SNX29: variants seen among roughly 807,000 people sequenced by gnomAD.
The protein encoded by SNX29 is sorting nexin 29.
A neutral mutation model predicts 102.1 loss-of-function variants in SNX29; 78 were observed. That is an observed-to-expected ratio of 0.76 (90% CI 0.64 to 0.92). SNX29 has a LOEUF of 0.92. Among genes scored for constraint, SNX29 ranks in the 40% least tolerant of loss-of-function variants. The pLI is 0.00. For synonymous variants in SNX29, 580 were observed against 414.5 expected, an observed-to-expected ratio of 1.40 and a Z score of -4.85; for missense variants, 1,280 against 1,061.7, an observed-to-expected ratio of 1.21 and a Z score of -2.86.
chr16:12,329,295 A>AAAAAAG, intron 15 of SNX29, among the ~76,000 whole-genome samples: 1 of 148,446 alleles, frequency 6.7e-6, no homozygotes, highest in Non-Finnish European at 1.5e-5. Context: ...AAAAAAAAAA[A>AAAAAAG]GTGAAAAAAT....
rs2079213176 is a variant in SNX29 at position 12,572,686 on chromosome 16, C to T, written c.*4057C>T. 8 of 1,063,818 alleles carry T rather than the reference C, an allele frequency of 7.5e-6. No homozygotes were observed. The highest frequency in any genetic ancestry group is 9.1e-6 in the Non-Finnish European group (8 of 878,348). 65.9% of individuals were successfully genotyped at this position (1,063,818 alleles called of 1,614,324 possible). ...CTGCAGCACCCACACGGGGGAAGCC[C>T]TGCACTCCAGCAGCATCTTCCAGCC... On this transcript the variant is annotated 3_prime_UTR_variant, in exon 21 of 21. Coordinates refer to ENST00000566228, the MANE Select transcript of SNX29 (RefSeq NM_032167.5).
At chr16:12,335,373 G>A (rs946795482) in intron 15 of SNX29, among the ~76,000 whole-genome samples, 3 of 152,078 alleles carry the variant, frequency 2.0e-5, no homozygotes, top group Non-Finnish European at 2.9e-5. Flanking sequence ...ATGTTTAGTG[G>A]TGACTATAAG....
intron 18 of SNX29, among the ~76,000 whole-genome samples, chr16:12,427,599 T>C (rs987472509): frequency 7.0e-6 from 1 of 141,974 alleles, no homozygotes; most frequent in African/African-American, 2.8e-5. Flanking sequence ...TGGTATTTAA[T>C]CAAACAACAG....
At position 12,467,612 on chromosome 16, in the gene SNX29, G is replaced by A. The variant is rs548919818; in HGVS notation, c.2038-10107G>A. On this transcript the variant is annotated intron_variant, in intron 18 of 20. Transcript: ENST00000566228. ...TGTTCGTTCATTCGTTTGTTCGTTT[G>A]TTCGTTCGTTAGTTCGTTCGTTCGT... Among the ~76,000 whole-genome samples the A allele has an allele frequency of 5.1e-5, 7 of 136,838 alleles. No homozygotes were observed. In the South Asian group the frequency reaches 8.8e-4, roughly 17 times the overall value. The allele number at this position is 136,838 out of a possible 152,430, so 89.8% of individuals were successfully genotyped here. A position where few individuals can be genotyped will look rare whatever the true frequency, so the allele number is the denominator to read the frequency against.
intron 20 of SNX29, among the ~76,000 whole-genome samples, chr16:12,561,957 CATG>C (rs1567206034): frequency 5.3e-5 from 8 of 152,172 alleles, no homozygotes; most frequent in African/African-American, 1.9e-4. Flanking sequence ...TCCCTGGGGG[CATG>C]ATGTCCCCAG....
chr16:12,170,124 T>C (rs1250971022), intron 13 of SNX29, among the ~76,000 whole-genome samples: 2 of 152,108 alleles, frequency 1.3e-5, no homozygotes, highest in Non-Finnish European at 2.9e-5. Context: ...TTCCCCGTTA[T>C]GAGAACTAAA....
intron 3 of SNX29, among the ~76,000 whole-genome samples, chr16:12,010,518 C>G (rs2151053501): frequency 6.6e-6 from 1 of 152,176 alleles, no homozygotes; most frequent in East Asian, 1.9e-4. Flanking sequence ...CTCAGCTACT[C>G]AAGAGGCTGA....
chr16:12,405,614 A>G (rs983351486), intron 18 of SNX29, among the ~76,000 whole-genome samples: 6 of 152,168 alleles, frequency 3.9e-5, no homozygotes, highest in Non-Finnish European at 5.9e-5. Flanking sequence ...GCAAAATCAG[A>G]GCATGTGTTT....
At chr16:12,292,306 A>G (rs948132003) in intron 15 of SNX29, among the ~76,000 whole-genome samples, 3 of 152,146 alleles carry the variant, frequency 2.0e-5, no homozygotes, top group Admixed American at 2.0e-4. Flanking sequence ...TGTCATTCCT[A>G]CTAGAGAGAG....
intron 11 of SNX29, among the ~76,000 whole-genome samples, chr16:12,079,659 A>G (rs1467281196): frequency 5.3e-5 from 8 of 152,216 alleles, no homozygotes; most frequent in South Asian, 2.1e-4. Flanking sequence ...AAAGCCATTC[A>G]GACCTACTCT....
chr16:12,240,614 T>G (rs2968356), intron 14 of SNX29, among the ~76,000 whole-genome samples: 4 of 134,188 alleles, frequency 3.0e-5, no homozygotes, highest in Non-Finnish European at 3.1e-5. Flanking sequence ...TTTTTTTTTG[T>G]GAGACGGAGT....
intron 16 of SNX29, among the ~76,000 whole-genome samples, chr16:12,378,447 C>G (rs146820677): frequency 0.015 from 2,351 of 152,252 alleles, 48 homozygotes; most frequent in Non-Finnish European, 0.026. Context: ...GTCAGGAGTT[C>G]AAGACCAGCC....
intron 14 of SNX29, among the ~76,000 whole-genome samples, chr16:12,220,070 C>T (rs972320987): frequency 1.2e-4 from 19 of 152,230 alleles, no homozygotes; most frequent in African/African-American, 4.6e-4. Context: ...GCTGTTACTC[C>T]AGGGTCTCTT....
intron 11 of SNX29, among the ~76,000 whole-genome samples, chr16:12,110,466 A>G (rs2053458669): frequency 6.6e-6 from 1 of 152,176 alleles, no homozygotes. Context: ...ATGAACACAG[A>G]AGCAAGAGTC....
intron 11 of SNX29, among the ~76,000 whole-genome samples, chr16:12,118,994 C>T (rs901477289): frequency 1.3e-5 from 2 of 152,208 alleles, no homozygotes; most frequent in Non-Finnish European, 2.9e-5. Flanking sequence ...TTGACATTTC[C>T]AAGCTGCTTG....
intron 20 of SNX29, among the ~76,000 whole-genome samples, chr16:12,536,329 C>T (rs999924031): frequency 6.6e-6 from 1 of 152,042 alleles, no homozygotes; most frequent in Non-Finnish European, 1.5e-5. Context: ...ATTACTAATG[C>T]AGCAGGAAAC....
At chr16:12,075,148 C>T (rs892701271) in intron 10 of SNX29, among the ~76,000 whole-genome samples, 1 of 152,214 alleles carries the variant, frequency 6.6e-6, no homozygotes, top group Non-Finnish European at 1.5e-5. Flanking sequence ...TCATCTGAAG[C>T]CTTCTTCTCT....
chr16:12,443,245 G>T, intron 18 of SNX29: 1 of 305,294 alleles, frequency 3.3e-6, no homozygotes, highest in Non-Finnish European at 6.6e-6. Flanking sequence ...ATCAGAGCAG[G>T]GTCACCTGTG....
At chr16:12,265,822 C>T (rs1193297079) in intron 14 of SNX29, among the ~76,000 whole-genome samples, 2 of 151,608 alleles carry the variant, frequency 1.3e-5, no homozygotes, top group East Asian at 1.9e-4. Flanking sequence ...CTGGGGAGGT[C>T]GAGACTGCAG....
Sources: gnomAD v4.1 joint callset for allele counts (sites outside exome capture counted in the v4.1 genomes callset) on GRCh38, gnomAD v4.1.1 for gene constraint, MANE v1.5 for transcripts, NCBI Gene and HGNC (gene_info 2026-07-23, HGNC 2026-07-21) for gene names.